The following AADACL4 variants were observed in gnomAD, a reference collection of about 807,000 sequenced individuals.
AADACL4 encodes the protein arylacetamide deacetylase-like 4.
In AADACL4, 9 loss-of-function variants were observed where a neutral mutation model predicts 14.1. That is an observed-to-expected ratio of 0.64 (90% CI 0.39 to 1.12). AADACL4 has a LOEUF of 1.12. AADACL4 is among the 50% of genes most tolerant of loss of function. The probability of loss-of-function intolerance (pLI) is 0.01; values close to 1 mark genes in which losing one functional copy is unlikely to be tolerated. For synonymous variants in AADACL4, 188 were observed against 201.6 expected (o/e 0.93, Z 0.57); for missense variants, 531 against 516.1 (o/e 1.03, Z -0.28).
intron 2 of AADACL4, among the ~76,000 whole-genome samples, chr1:12,658,387 C>A (rs767941355): frequency 6.6e-6 from 1 of 151,848 alleles, no homozygotes; most frequent in Admixed American, 6.6e-5. Context: ...GCCTCCCAAG[C>A]AGCTGAGATT....
Position 12,651,343 on chromosome 1 carries a change from A to G in AADACL4, c.385+4A>G. On this transcript the variant is annotated splice_donor_region_variant and intron_variant, in intron 2 of 3. Coordinates refer to ENST00000376221, the MANE Select transcript of AADACL4 (RefSeq NM_001013630.2). ...GCCACAGTATTTGGGAGCCTGGGTA[A>G]GGGGCTTCCCTGTGGCTTTGTAGAG... The G allele has an allele frequency of 6.2e-7, 1 of 1,613,916 alleles. No individual in the cohort carries two copies. Among genetic ancestry groups the G allele is most frequent in the African/African-American group, 1.3e-5 (1 of 75,024 alleles).
intron 2 of AADACL4, among the ~76,000 whole-genome samples, chr1:12,654,843 A>G (rs945139334): frequency 1.3e-5 from 2 of 151,630 alleles, no homozygotes; most frequent in South Asian, 4.2e-4. Flanking sequence ...CATGGGCAAG[A>G]CGGCCCTCTC....
At chr1:12,662,223 C>T (rs1250157093) in intron 3 of AADACL4, among the ~76,000 whole-genome samples, 3 of 152,184 alleles carry the variant, frequency 2.0e-5, no homozygotes, top group Non-Finnish European at 2.9e-5. Flanking sequence ...GCCTGATACT[C>T]ATTTTGCAAA....
At chr1:12,665,929 T>C (rs1647314884) in intron 3 of AADACL4, 32 bp from the exon 4 acceptor site, 2 of 1,570,132 alleles carry the variant, frequency 1.3e-6, no homozygotes, top group Non-Finnish European at 1.7e-6. Flanking sequence ...CTGTCCACAC[T>C]GGTGTAGTGT....
At position 12,661,804 on chromosome 1, in the gene AADACL4, C is replaced by T; in HGVS notation, c.399C>T (p.Gly133=). 1 of 1,614,086 alleles carries T rather than the reference C, an allele frequency of 6.2e-7. No homozygotes were observed. The highest frequency in any genetic ancestry group is 1.1e-5 in the South Asian group (1 of 91,074). The change falls in exon 3 of 4, where the codon GGC becomes GGT. Residue 133 remains glycine (G), a synonymous_variant. Coordinates refer to ENST00000376221, the MANE Select transcript of AADACL4 (RefSeq NM_001013630.2). ...TTTGTCTTGCAGATTGTTACCATGG[C>T]CTGTGCAATTATCTGGCCCGGGAGA... ...TVFGSLDCYH[G]LCNYLARETE...
intron 2 of AADACL4, among the ~76,000 whole-genome samples, chr1:12,654,597 A>T (rs144779999): frequency 6.6e-6 from 1 of 152,304 alleles, no homozygotes; most frequent in East Asian, 1.9e-4. Flanking sequence ...ATGGCTAGGA[A>T]GTCCCATCCC....
At chr1:12,665,932 T>C (rs1419298) in intron 3 of AADACL4, 29 bp from the exon 4 acceptor site, 153,337 of 1,578,436 alleles carry the variant, frequency 0.097, 12,852 homozygotes, top group African/African-American at 0.45. Flanking sequence ...TCCACACTGG[T>C]GTAGTGTTGC....
At chr1:12,646,723 G>A (rs1337533003) in intron 1 of AADACL4, among the ~76,000 whole-genome samples, 1 of 152,200 alleles carries the variant, frequency 6.6e-6, no homozygotes, top group African/African-American at 2.4e-5. Flanking sequence ...GATGACAGCT[G>A]CTATGGGCTG....
intron 1 of AADACL4, among the ~76,000 whole-genome samples, chr1:12,650,644 T>C (rs1323696936): frequency 6.6e-6 from 1 of 152,040 alleles, no homozygotes; most frequent in Non-Finnish European, 1.5e-5. Flanking sequence ...GTGATTCTCC[T>C]GCCTCAGCCT....
At chr1:12,647,955 G>A (rs945697317) in intron 1 of AADACL4, among the ~76,000 whole-genome samples, 1 of 152,078 alleles carries the variant, frequency 6.6e-6, no homozygotes, top group Non-Finnish European at 1.5e-5. Flanking sequence ...ACTGTGCCCA[G>A]CCACTATCGC....
At position 12,651,328 on chromosome 1, in the gene AADACL4, T is replaced by G. The variant is rs755044657; in HGVS notation, c.374T>G (p.Phe125Cys). 1.9e-6 allele frequency: 3 copies of G among 1,614,144 alleles called. No homozygotes were observed. Among genetic ancestry groups the G allele is most frequent in the Non-Finnish European group, 2.5e-6 (3 of 1,180,030 alleles). Reference protein sequence around the residue: ...IIFYHGGATVFGSLDCYHGLC... With the variant: ...IIFYHGGATVCGSLDCYHGLC... ...TTCTACCATGGAGGGGCCACAGTAT[T>G]TGGGAGCCTGGGTAAGGGGCTTCCC... Residue 125 changes from phenylalanine (F) to cysteine (C), a missense_variant, in exon 2 of 4, where the codon TTT (phenylalanine) becomes TGT (cysteine). By Grantham distance (205) the Phe-to-Cys change is radical. Transcript: ENST00000376221.
chr1:12,646,512 C>T lies in AADACL4; in HGVS notation c.168+1798C>T, dbSNP rs182952908. On this transcript the variant is annotated intron_variant, in intron 1 of 3. Transcript: ENST00000376221. ...ACAGGACAAGGATGTAGAAAGTACT[C>T]GTGTCCTCTCATTTGGAGAATGCAA... 5.3e-5 allele frequency among the ~76,000 whole-genome samples: 8 copies of T among 152,324 alleles called. No homozygotes were observed. In the East Asian group the frequency reaches 7.7e-4, roughly 15 times the overall value.
rs150632390 is a variant in AADACL4, at chr1:12,651,248, C to T, written c.294C>T (p.Pro98=). 1,120 of 1,614,202 alleles carry T rather than the reference C, an allele frequency of 6.9e-4. 5 individuals carry two copies. In the African/African-American group the frequency reaches 0.013, roughly 19 times the overall value. The part of the protein sequence containing the change: ...VVTDLRFGTI[P]VRLFQPKAAS... Reference sequence around the variant, plus strand: ...CCGACCTGCGTTTTGGGACGATACCCGTGAGGCTGTTCCAGCCGAAGGCAG... The same window carrying T: ...CCGACCTGCGTTTTGGGACGATACCTGTGAGGCTGTTCCAGCCGAAGGCAG... The change falls in exon 2 of 4, where the codon CCC becomes CCT. Residue 98 remains proline (P), a synonymous_variant. Transcript: ENST00000376221.
At chr1:12,656,413 A>C (rs1647179234) in intron 2 of AADACL4, among the ~76,000 whole-genome samples, 1 of 152,196 alleles carries the variant, frequency 6.6e-6, no homozygotes, top group Non-Finnish European at 1.5e-5. Context: ...AAGGTCGAGA[A>C]GGGCAAGCTG....
At chr1:12,658,089 CTCTT>C (rs1445177058) in intron 2 of AADACL4, among the ~76,000 whole-genome samples, 5 of 124,626 alleles carry the variant, frequency 4.0e-5, no homozygotes, top group African/African-American at 1.4e-4. Context: ...TTCTTTCTTT[CTCTT>C]TCTTTCTCTC....
chr1:12,658,870 T>G (rs572423330), intron 2 of AADACL4, among the ~76,000 whole-genome samples: 1 of 151,840 alleles, frequency 6.6e-6, no homozygotes, highest in Admixed American at 6.5e-5. Flanking sequence ...CTTTCATGGG[T>G]TTCCATATTC....
chr1:12,653,606 C>A (rs959984723), intron 2 of AADACL4, among the ~76,000 whole-genome samples: 2 of 152,194 alleles, frequency 1.3e-5, no homozygotes, highest in African/African-American at 4.8e-5. Context: ...CCTGTTAGGG[C>A]CTCGTACAAT....
Position 12,666,095 on chromosome 1 carries a change from G to T in AADACL4, c.584G>T (p.Gly195Val). 6.2e-7 allele frequency: 1 copy of T among 1,614,250 alleles called. No individual in the cohort carries two copies. Among genetic ancestry groups the T allele is most frequent in the African/African-American group, 1.3e-5 (1 of 75,066 alleles). ...GTTGTGGTCTGTGGAGAAAGCGTCG[G>T]AGGTGCAGCGGTGGCCGCCATCACC... The part of the protein sequence containing the change: ...SRVVVCGESV[G>V]GAAVAAITQA... Residue 195 changes from glycine (G) to valine (V), a missense_variant, in exon 4 of 4, where the codon GGA becomes GTA. Physicochemically the swap from Gly to Val is moderately radical, Grantham distance 109 (BLOSUM62 -3). Coordinates refer to ENST00000376221, the MANE Select transcript of AADACL4 (RefSeq NM_001013630.2).
chr1:12,646,755 G>A (rs991677721), intron 1 of AADACL4, among the ~76,000 whole-genome samples: 5 of 152,212 alleles, frequency 3.3e-5, no homozygotes, highest in Non-Finnish European at 7.3e-5. Flanking sequence ...CTCTGAGATG[G>A]GTCTGCAGCC....
Sources: allele counts gnomAD v4.1 joint callset (sites outside exome capture counted in the v4.1 genomes callset), GRCh38; gene constraint gnomAD v4.1.1; transcripts MANE v1.5; gene names NCBI Gene and HGNC (gene_info 2026-07-23, HGNC 2026-07-21).